Variants in FAM174A observed in about 807,000 individuals in gnomAD.
The protein encoded by FAM174A is membrane protein FAM174A.
A neutral mutation model predicts 14.3 loss-of-function variants in FAM174A; 14 were observed. That is an observed-to-expected ratio of 0.98 (90% CI 0.65 to 1.53). The LOEUF is 1.53. Among genes scored for constraint, FAM174A ranks in the 40% most tolerant of loss-of-function variants. FAM174A has a pLI of 0.00. For synonymous variants in FAM174A, 108 were observed against 111.4 expected, an observed-to-expected ratio of 0.97 and a Z score of 0.19; for missense variants, 241 against 249.6, an observed-to-expected ratio of 0.97 and a Z score of 0.23.
At chr5:100,565,359 A>G (rs1329693495) in intron 2 of FAM174A, among the ~76,000 whole-genome samples, 1 of 151,926 alleles carries the variant, frequency 6.6e-6, no homozygotes, top group Non-Finnish European at 1.5e-5. Context: ...AGCCAAGTAG[A>G]TAATCATCAG....
chr5:100,554,310 C>CTTTTTTTTTTT (rs34241194), intron 1 of FAM174A, among the ~76,000 whole-genome samples: 10 of 93,938 alleles, frequency 1.1e-4, no homozygotes, highest in Non-Finnish European at 1.6e-4. Context: ...ATTTTTCTAT[C>CTTTTTTTTTTT]TTTTTTTTTT....
At chr5:100,572,220 T>A (rs1746797296) in intron 2 of FAM174A, among the ~76,000 whole-genome samples, 1 of 151,422 alleles carries the variant, frequency 6.6e-6, no homozygotes, top group African/African-American at 2.4e-5. Flanking sequence ...TTTTTCTTTT[T>A]TTTATGTAAT....
intron 2 of FAM174A, among the ~76,000 whole-genome samples, chr5:100,566,073 A>G (rs1746638509): frequency 6.8e-6 from 1 of 147,568 alleles, no homozygotes; most frequent in Non-Finnish European, 1.5e-5. Flanking sequence ...GGGAGCTACA[A>G]TTCAAGATGA....
chr5:100,555,122 C>A lies in FAM174A; in HGVS notation c.435-6932C>A, dbSNP rs916172452. On this transcript the variant is annotated intron_variant, in intron 1 of 2. Coordinates refer to ENST00000312637, the MANE Select transcript of FAM174A (RefSeq NM_198507.3). ...GGCCCCGGTGTGTGATGTTCCCCTT[C>A]CTGTGTCCATGTGTTCTCATTGTTC... 2.7e-5 allele frequency among the ~76,000 whole-genome samples: 4 copies of A among 150,076 alleles called. No individual in the cohort carries two copies. In the East Asian group the frequency reaches 8.1e-4, roughly 30 times the overall value.
intron 1 of FAM174A, among the ~76,000 whole-genome samples, chr5:100,536,748 G>A (rs77830575): frequency 6.6e-6 from 1 of 152,106 alleles, no homozygotes; most frequent in African/African-American, 2.4e-5. Context: ...CAAAATTCAC[G>A]TTTTTCCCAT....
At chr5:100,544,146 G>A (rs1019148030) in intron 1 of FAM174A, among the ~76,000 whole-genome samples, 10 of 152,134 alleles carry the variant, frequency 6.6e-5, no homozygotes, top group Non-Finnish European at 1.5e-4. Flanking sequence ...CAAACTGCTT[G>A]AATCCAGGGG....
In FAM174A at chr5:100,557,391, A is replaced by C. The variant is rs1195279653; in HGVS notation, c.435-4663A>C. 2.6e-5 allele frequency among the ~76,000 whole-genome samples: 4 copies of C among 151,972 alleles called. No homozygotes were observed. In the East Asian group the frequency reaches 7.7e-4, roughly 29 times the overall value. On this transcript the variant is annotated intron_variant, in intron 1 of 2. Transcript: ENST00000312637. ...ATGTTCATCAGGGATATTGGTCTAA[A>C]ATTCTCTTTTTTTGTTGTGTCTCTG... is the stretch of plus-strand genomic sequence containing the variant.
intron 2 of FAM174A, among the ~76,000 whole-genome samples, chr5:100,562,735 T>TG (rs1250187312): frequency 6.6e-6 from 1 of 151,808 alleles, no homozygotes; most frequent in Non-Finnish European, 1.5e-5. Context: ...CTTGCAGAAT[T>TG]GGGGGACTAA....
intron 1 of FAM174A, among the ~76,000 whole-genome samples, chr5:100,560,746 T>C (rs1363309246): frequency 6.6e-6 from 1 of 152,062 alleles, no homozygotes; most frequent in East Asian, 1.9e-4. Flanking sequence ...ATCCCACATA[T>C]GTCAAACAGA....
chr5:100,541,111 A>G (rs946294313), intron 1 of FAM174A, among the ~76,000 whole-genome samples: 2 of 152,172 alleles, frequency 1.3e-5, no homozygotes, highest in Non-Finnish European at 2.9e-5. Context: ...GCCCACACAA[A>G]TCTGTTTCTG....
rs989832138 is a variant in FAM174A, at chr5:100,549,069, C to T, written c.435-12985C>T. ...ATGTATATACCTCTGTGGTACCTAA[C>T]TGCTAAAGCTATAATCAGCAAGATG... On this transcript the variant is annotated intron_variant, in intron 1 of 2. Transcript: ENST00000312637. Among the ~76,000 whole-genome samples, 5 of 151,946 alleles carry T rather than the reference C, an allele frequency of 3.3e-5. No homozygotes were observed. In the East Asian group the frequency reaches 9.6e-4, roughly 29 times the overall value.
rs145327220 is a variant in FAM174A, at chr5:100,581,030, G to A, written c.570-5151G>A. ...TGCAACCTCTGCCTCCCGGGTTCAA[G>A]CGATTCTTCTGCTTCAGCCTCCCAA... On this transcript the variant is annotated intron_variant, in intron 2 of 2. Transcript: ENST00000312637. Among the ~76,000 whole-genome samples, 910 of 152,252 alleles carry A rather than the reference G, an allele frequency of 6.0e-3. 9 individuals are homozygous for A. Among genetic ancestry groups the A allele is most frequent in the African/African-American group, 0.021 (865 of 41,546 alleles).
At chr5:100,557,923 A>C (rs1010872855) in intron 1 of FAM174A, among the ~76,000 whole-genome samples, 1 of 151,654 alleles carries the variant, frequency 6.6e-6, no homozygotes. Flanking sequence ...AGGGTTTTTT[A>C]TGTCTCTATT....
intron 1 of FAM174A, among the ~76,000 whole-genome samples, chr5:100,538,710 G>C (rs1257062239): frequency 1.3e-5 from 2 of 152,100 alleles, no homozygotes; most frequent in African/African-American, 4.8e-5. Context: ...CACTCTTCAT[G>C]TATTATATTG....
In FAM174A at chr5:100,541,048, G is replaced by C. The variant is rs1157937398; in HGVS notation, c.434+5084G>C. 2.0e-5 allele frequency among the ~76,000 whole-genome samples: 3 copies of C among 152,184 alleles called. No individual in the cohort carries two copies. The East Asian group carries it at 5.8e-4, about 29-fold the overall frequency. On this transcript the variant is annotated intron_variant, in intron 1 of 2. Transcript: ENST00000312637. ...CTCAGGAGATTTGTAGGACAATGCTGAATGTGGACTATGTAAAGTAGTTTG... is the reference window on the plus strand; with the variant it reads ...CTCAGGAGATTTGTAGGACAATGCTCAATGTGGACTATGTAAAGTAGTTTG...
chr5:100,542,824 CT>C (rs1388057118), intron 1 of FAM174A, among the ~76,000 whole-genome samples: 3 of 150,338 alleles, frequency 2.0e-5, no homozygotes, highest in Non-Finnish European at 4.4e-5. Context: ...TGAGATCCTG[CT>C]TATTATATTT....
chr5:100,563,402 A>C (rs1301264021), intron 2 of FAM174A, among the ~76,000 whole-genome samples: 1 of 68,916 alleles, frequency 1.5e-5, no homozygotes, highest in African/African-American at 1.1e-4. Flanking sequence ...TCTTGAGACA[A>C]AAAAAAAAAA....
intron 1 of FAM174A, among the ~76,000 whole-genome samples, chr5:100,537,855 T>C (rs577691269): frequency 1.3e-5 from 2 of 152,338 alleles, no homozygotes; most frequent in East Asian, 1.9e-4. Flanking sequence ...AATGATAATT[T>C]GGGGGGAATA....
At chr5:100,572,963 A>T (rs569251902) in intron 2 of FAM174A, among the ~76,000 whole-genome samples, 1 of 152,092 alleles carries the variant, frequency 6.6e-6, no homozygotes, top group Non-Finnish European at 1.5e-5. Flanking sequence ...GTGAGCTGGT[A>T]TCTCATTGTG....
Sources: allele counts gnomAD v4.1 joint callset (sites outside exome capture counted in the v4.1 genomes callset), GRCh38; gene constraint gnomAD v4.1.1; transcripts MANE v1.5; gene names NCBI Gene and HGNC (gene_info 2026-07-23, HGNC 2026-07-21).